Variants in WDFY3 observed in about 807,000 individuals in gnomAD.
The protein encoded by WDFY3 is WD repeat and FYVE domain-containing protein 3.
In WDFY3, 66 loss-of-function variants were observed where a neutral mutation model predicts 409.6. The ratio of observed to expected loss-of-function variants is 0.16; its 90% confidence interval spans 0.13 to 0.20. The LOEUF (loss-of-function observed/expected upper bound fraction) is 0.20, where lower values mean the gene tolerates loss of function less well. WDFY3 is among the 10% of genes least tolerant of loss of function. The probability of loss-of-function intolerance (pLI) is 1.00; values close to 1 mark genes in which losing one functional copy is unlikely to be tolerated. For synonymous variants in WDFY3, 1,521 were observed against 1,537.1 expected, an observed-to-expected ratio of 0.99 and a Z score of 0.25; for missense variants, 3,031 against 4,298.1, an observed-to-expected ratio of 0.71 and a Z score of 8.24.
intron 3 of WDFY3, among the ~76,000 whole-genome samples, chr4:84,885,264 C>G (rs1008958447): frequency 6.6e-6 from 1 of 151,630 alleles, no homozygotes; most frequent in Admixed American, 6.6e-5. Context: ...CTTGGCCTCC[C>G]TAAGTGCTGG....
chr4:84,936,525 A>T (rs1045863917), intron 1 of WDFY3, among the ~76,000 whole-genome samples: 25 of 151,932 alleles, frequency 1.6e-4, no homozygotes, highest in African/African-American at 4.8e-4. Context: ...TGTCTCTTTT[A>T]AAAAAAATTA....
At chr4:84,868,563 A>G (rs1761747978) in intron 3 of WDFY3, among the ~76,000 whole-genome samples, 1 of 151,512 alleles carries the variant, frequency 6.6e-6, no homozygotes, top group South Asian at 2.1e-4. Context: ...ATATACCCTG[A>G]GCTACCCAAT....
At position 84,734,353 on chromosome 4, in the gene WDFY3, AACTG is replaced by A. The variant is rs1425613747; in HGVS notation, c.6993+686_6993+689del. ...CTAAAAATAAAGATTTCTAAAATATAACTGACAGTAAAGATTACTGAGTGAACAA... is the reference window on the plus strand; with the variant it reads ...CTAAAAATAAAGATTTCTAAAATATAACAGTAAAGATTACTGAGTGAACAA... On this transcript the variant is annotated intron_variant, in intron 43 of 67. Coordinates refer to ENST00000295888, the MANE Select transcript of WDFY3 (RefSeq NM_014991.6). Among the ~76,000 whole-genome samples the A allele has an allele frequency of 3.9e-5, 6 of 152,356 alleles. No individual in the cohort carries two copies. The East Asian group carries it at 1.2e-3, about 29-fold the overall frequency.
intron 5 of WDFY3, among the ~76,000 whole-genome samples, chr4:84,842,006 G>A (rs1226386364): frequency 6.6e-6 from 1 of 152,076 alleles, no homozygotes; most frequent in Non-Finnish European, 1.5e-5. Context: ...AAATACATAA[G>A]ACAGCCAATC....
chr4:84,787,405 C>A, intron 23 of WDFY3, 77 bp downstream of exon 23: 1 of 1,388,314 alleles, frequency 7.2e-7, no homozygotes. Context: ...ATATGTATAA[C>A]CTCAGACACA....
rs1725582547 is a variant in WDFY3 at position 84,672,556 on chromosome 4, C to G, written c.*312G>C. On this transcript the variant is annotated 3_prime_UTR_variant, in exon 68 of 68. Coordinates refer to ENST00000295888, the MANE Select transcript of WDFY3 (RefSeq NM_014991.6). The stretch of plus-strand genomic sequence containing the variant: ...TGAGTAGCTCTATAAAAATGAGATG[C>G]AAGAAAAGAGAGTTAATAAGTGAGG... The G allele has an allele frequency of 5.2e-6, 1 of 191,236 alleles. No individual in the cohort carries two copies. The allele number at this position is 191,236 out of a possible 1,614,324, so 11.8% of individuals were successfully genotyped here.
In WDFY3 at chr4:84,831,513, C is replaced by G. The variant is rs773128588; in HGVS notation, c.669G>C (p.Trp223Cys). The G allele has an allele frequency of 1.2e-6, 2 of 1,613,924 alleles. No individual in the cohort carries two copies. Among genetic ancestry groups the G allele is most frequent in the East Asian group, 4.5e-5 (2 of 44,858 alleles). The change falls in exon 8 of 68, where the codon TGG becomes TGC. Residue 223 changes from tryptophan to cysteine, a missense_variant. This residue lies in a region of WDFY3 where 1,322 missense variants were observed against 1,697.9 expected (regional missense o/e 0.78). Coordinates refer to ENST00000295888, the MANE Select transcript of WDFY3 (RefSeq NM_014991.6). Reference sequence around the variant, plus strand: ...TCCAAGGCAGGTTATAGGGAGGGCACCAAGAGGTTATTGCACTGAATAGAA... The same window carrying G: ...TCCAAGGCAGGTTATAGGGAGGGCAGCAAGAGGTTATTGCACTGAATAGAA... ...LQLLFSAITS[W>C]CPPYNLPWRK... is the part of the protein sequence containing the mutation.
At chr4:84,841,010 A>C (rs1239199848) in intron 6 of WDFY3, 144 bp downstream of exon 6, 1 of 712,682 alleles carries the variant, frequency 1.4e-6, no homozygotes, top group Admixed American at 3.3e-5. Context: ...AGAAGCATGA[A>C]ATAATGTTTT....
chr4:84,688,052 T>C (rs754571212), intron 62 of WDFY3, 34 bp downstream of exon 62: 1 of 1,595,884 alleles, frequency 6.3e-7, no homozygotes. Flanking sequence ...GACTACTTGT[T>C]TACCTAAACA....
intron 21 of WDFY3, 122 bp from the exon 22 acceptor site, chr4:84,790,029 G>A (rs1039750090): frequency 1.9e-6 from 2 of 1,075,102 alleles, no homozygotes; most frequent in African/African-American, 1.6e-5. Flanking sequence ...AGACTGATTT[G>A]AGTAATAATA....
intron 56 of WDFY3, among the ~76,000 whole-genome samples, chr4:84,701,683 A>G (rs1378404243): frequency 6.6e-6 from 1 of 152,250 alleles, no homozygotes; most frequent in Non-Finnish European, 1.5e-5. Context: ...CACTTCCTCT[A>G]ACAGCCAGAT....
chr4:84,826,722 A>G (rs1560859403), intron 10 of WDFY3, 93 bp downstream of exon 10: 3 of 1,302,680 alleles, frequency 2.3e-6, no homozygotes, highest in East Asian at 2.8e-5. Context: ...TTTTATATAT[A>G]TAACAGAAAC....
chr4:84,678,552 T>C (rs530019580), intron 65 of WDFY3, among the ~76,000 whole-genome samples: 215 of 152,352 alleles, frequency 1.4e-3, no homozygotes, highest in African/African-American at 4.7e-3. Flanking sequence ...ATTTCTCCAA[T>C]TGAGGACCTT....
chr4:84,739,271 C>T (rs1046861901), intron 39 of WDFY3, 152 bp from the exon 40 acceptor site: 13 of 668,072 alleles, frequency 1.9e-5, no homozygotes, highest in Non-Finnish European at 3.3e-5. Context: ...AGGAAGATGC[C>T]ATTTTTAAGA....
At chr4:84,854,054 A>G (rs1404390586) in intron 4 of WDFY3, among the ~76,000 whole-genome samples, 9 of 152,308 alleles carry the variant, frequency 5.9e-5, no homozygotes, top group African/African-American at 2.2e-4. Context: ...TATTATGAAG[A>G]AAGTAAAATA....
At chr4:84,940,427 C>A (rs1771956548) in intron 1 of WDFY3, among the ~76,000 whole-genome samples, 1 of 151,820 alleles carries the variant, frequency 6.6e-6, no homozygotes, top group Non-Finnish European at 1.5e-5. Context: ...ATTTTGAATA[C>A]TGAAAAAAAC....
At chr4:84,710,444 ATAAT>A (rs1732695204) in intron 51 of WDFY3, among the ~76,000 whole-genome samples, 1 of 152,226 alleles carries the variant, frequency 6.6e-6, no homozygotes. Context: ...TATAATATTG[ATAAT>A]TAATAATTGG....
chr4:84,694,960 A>T (rs1310113249), intron 58 of WDFY3, among the ~76,000 whole-genome samples: 2 of 152,048 alleles, frequency 1.3e-5, no homozygotes, highest in Non-Finnish European at 2.9e-5. Flanking sequence ...TGGAAACCTC[A>T]AGTTAACCTA....
rs539966423 is a variant in WDFY3, at chr4:84,704,159, G to A, written c.8442+179C>T. Among the ~76,000 whole-genome samples, 10 of 152,216 alleles carry A rather than the reference G, an allele frequency of 6.6e-5. No homozygotes were observed. The East Asian group carries it at 1.4e-3, about 21-fold the overall frequency. ...ATGCTGGCACTTATTTGTTCTAAGCGAATTCTAGTTCATTAATCAATTTTG... is the reference window on the plus strand; with the variant it reads ...ATGCTGGCACTTATTTGTTCTAAGCAAATTCTAGTTCATTAATCAATTTTG... On this transcript the variant is annotated intron_variant, in intron 55 of 67. Transcript: ENST00000295888.
Sources: gnomAD v4.1 joint callset for allele counts (sites outside exome capture counted in the v4.1 genomes callset) on GRCh38, gnomAD v4.1.1 for gene constraint, gnomAD v4.1.1 regional missense constraint, MANE v1.5 for transcripts, NCBI Gene and HGNC (gene_info 2026-07-23, HGNC 2026-07-21) for gene names.